The following KCNK2 variants were observed in gnomAD, a reference collection of about 807,000 sequenced individuals.
The protein encoded by KCNK2 is potassium two pore domain channel subfamily K member 2.
KCNK2 carries 21 observed loss-of-function variants against 40.5 expected under a neutral mutation model. The ratio of observed to expected loss-of-function variants is 0.52; its 90% confidence interval spans 0.37 to 0.75. KCNK2 has a LOEUF of 0.75. Ranked by LOEUF, KCNK2 falls within the 30% of genes least tolerant of loss-of-function variation. The probability of loss-of-function intolerance (pLI) is 0.00; values close to 1 mark genes in which losing one functional copy is unlikely to be tolerated. For missense variants in KCNK2, 399 were observed against 531.6 expected (o/e 0.75, Z 2.45); for synonymous variants, 191 against 202.2 (o/e 0.94, Z 0.47).
intron 6 of KCNK2, among the ~76,000 whole-genome samples, chr1:215,230,279 C>T (rs1291563726): frequency 1.3e-5 from 2 of 150,410 alleles, no homozygotes; most frequent in Non-Finnish European, 3.0e-5. Flanking sequence ...TAGCCTATTG[C>T]TCCTAGGCTA....
intron 1 of KCNK2, among the ~76,000 whole-genome samples, chr1:215,073,594 G>A (rs1319537306): frequency 6.6e-6 from 1 of 152,138 alleles, no homozygotes; most frequent in African/African-American, 2.4e-5. Context: ...AGAAGGAAGA[G>A]TAAGATACAT....
chr1:215,044,824 T>TGTGTGC, intron 1 of KCNK2, among the ~76,000 whole-genome samples: 1 of 52,496 alleles, frequency 1.9e-5, no homozygotes, highest in East Asian at 1.0e-3. Flanking sequence ...TGTGTGTGTG[T>TGTGTGC]GTGCGCGCGC....
intron 3 of KCNK2, among the ~76,000 whole-genome samples, chr1:215,150,054 G>A (rs1004554094): frequency 3.9e-5 from 6 of 152,142 alleles, no homozygotes; most frequent in African/African-American, 7.2e-5. Context: ...AGAACTGATC[G>A]TTATGATCTA....
chr1:215,048,204 A>G lies in KCNK2; in HGVS notation c.35-38164A>G, dbSNP rs577561043. On this transcript the variant is annotated intron_variant, in intron 1 of 6. Coordinates refer to the KCNK2 transcript ENST00000391895. ...CTCATCAACAGATACATCACTACTAATTACAGAAAAAGTTATACTTTTTTT... is the reference window on the plus strand; with the variant it reads ...CTCATCAACAGATACATCACTACTAGTTACAGAAAAAGTTATACTTTTTTT... Among the ~76,000 whole-genome samples, 3 of 152,286 alleles carry G rather than the reference A, an allele frequency of 2.0e-5. No homozygotes were observed. In the East Asian group the frequency reaches 5.8e-4, roughly 29 times the overall value.
At chr1:215,141,060 A>G (rs1294676884) in intron 3 of KCNK2, among the ~76,000 whole-genome samples, 1 of 152,032 alleles carries the variant, frequency 6.6e-6, no homozygotes, top group Non-Finnish European at 1.5e-5. Context: ...AGACCTACAC[A>G]GGGTTAGGAT....
chr1:215,155,208 T>C (rs1662862983), intron 3 of KCNK2, among the ~76,000 whole-genome samples: 1 of 152,140 alleles, frequency 6.6e-6, no homozygotes, highest in South Asian at 2.1e-4. Flanking sequence ...TTAAAATGAC[T>C]TAGAATATCA....
At chr1:215,084,628 G>T (rs564134931) in intron 1 of KCNK2, among the ~76,000 whole-genome samples, 1 of 152,222 alleles carries the variant, frequency 6.6e-6, no homozygotes, top group South Asian at 2.1e-4. Context: ...TTAAACACAT[G>T]CCCAGTGCTA....
chr1:215,036,413 C>G lies in KCNK2; in HGVS notation c.34+30458C>G, dbSNP rs1657387282. Among the ~76,000 whole-genome samples, 3 of 151,902 alleles carry G rather than the reference C, an allele frequency of 2.0e-5. No homozygotes were observed. In the South Asian group the frequency reaches 6.2e-4, roughly 31 times the overall value. On this transcript the variant is annotated intron_variant, in intron 1 of 6. Coordinates refer to the KCNK2 transcript ENST00000391895. ...TTGATCTATTTTTCTATCTTTACAT[C>G]AGCATGGCCCCATCTTAACATTCGC... is the stretch of plus-strand genomic sequence containing the variant.
At chr1:215,230,507 G>GTATATATA (rs201898524) in intron 6 of KCNK2, among the ~76,000 whole-genome samples, 837 of 65,360 alleles carry the variant, frequency 0.013, 9 homozygotes, top group Non-Finnish European at 0.019. Context: ...ACACACGGCT[G>GTATATATA]TATATATATA....
At chr1:215,185,349 T>A (rs1167064643) in intron 5 of KCNK2, among the ~76,000 whole-genome samples, 1 of 152,168 alleles carries the variant, frequency 6.6e-6, no homozygotes, top group Admixed American at 6.6e-5. Context: ...TACTGTAATC[T>A]TTACATTCCA....
At chr1:215,179,852 G>A (rs532700471) in intron 5 of KCNK2, among the ~76,000 whole-genome samples, 15 of 152,178 alleles carry the variant, frequency 9.9e-5, no homozygotes, top group Non-Finnish European at 1.8e-4. Context: ...GATGGATGGA[G>A]TATTCTGTAG....
chr1:215,164,314 T>A lies in KCNK2; in HGVS notation c.476-4885T>A, dbSNP rs551704264. ...GTCTATTTGATTCTTCTCTCTTTTC[T>A]TTTTTATTAGTCTAGCTAGTGGTCT... On this transcript the variant is annotated intron_variant, in intron 3 of 6. Transcript: ENST00000444842. 2.0e-5 allele frequency among the ~76,000 whole-genome samples: 3 copies of A among 152,322 alleles called. No homozygotes were observed. In the East Asian group the frequency reaches 5.8e-4, roughly 29 times the overall value.
chr1:215,124,876 A>G (rs1001737918), intron 3 of KCNK2, 126 bp downstream of exon 3: 1 of 657,622 alleles, frequency 1.5e-6, no homozygotes, highest in Non-Finnish European at 2.8e-6. Context: ...ATTATAGTAA[A>G]TTGATTTTGA....
At chr1:215,088,420 A>T (rs763938605) in intron 2 of KCNK2, among the ~76,000 whole-genome samples, 2 of 152,276 alleles carry the variant, frequency 1.3e-5, no homozygotes, top group Middle Eastern at 3.4e-3. Context: ...AGGTAAAGAG[A>T]TAATCCACAT....
chr1:215,222,843 A>C (rs1409097620), intron 6 of KCNK2, among the ~76,000 whole-genome samples: 1 of 152,138 alleles, frequency 6.6e-6, no homozygotes, highest in Non-Finnish European at 1.5e-5. Flanking sequence ...AAAATGAATT[A>C]ATGATAATTG....
intron 1 of KCNK2, among the ~76,000 whole-genome samples, chr1:215,016,218 A>G (rs902340596): frequency 1.3e-5 from 2 of 152,148 alleles, no homozygotes; most frequent in Non-Finnish European, 2.9e-5. Context: ...AGGTATGTCT[A>G]AAGAAACTAT....
At chr1:215,070,163 C>A (rs961986348) in intron 1 of KCNK2, among the ~76,000 whole-genome samples, 2 of 151,958 alleles carry the variant, frequency 1.3e-5, no homozygotes, top group Non-Finnish European at 2.9e-5. Context: ...GTAATCCCAG[C>A]ACTTTGGGAG....
In KCNK2 at chr1:215,130,547, A is replaced by G. The variant is rs147202794; in HGVS notation, c.475+5797A>G. On this transcript the variant is annotated intron_variant, in intron 3 of 6. Coordinates refer to ENST00000444842, the MANE Select transcript of KCNK2 (RefSeq NM_001017425.3). ...TGAGCAGCACAGCATGCCATTTGCT[A>G]CTGGTGTCTGACTTGGAAGCTGTCC... 3.9e-5 allele frequency among the ~76,000 whole-genome samples: 6 copies of G among 152,276 alleles called. No individual in the cohort carries two copies. The East Asian group carries it at 9.7e-4, about 25-fold the overall frequency.
intron 5 of KCNK2, 60 bp from the exon 6 acceptor site, chr1:215,194,893 C>A: frequency 6.5e-7 from 1 of 1,529,344 alleles, no homozygotes. Flanking sequence ...TTTAGCAATA[C>A]CTAGATTGTT....
Sources: allele counts gnomAD v4.1 joint callset (sites outside exome capture counted in the v4.1 genomes callset), GRCh38; gene constraint gnomAD v4.1.1; transcripts MANE v1.5; gene names NCBI Gene and HGNC (gene_info 2026-07-23, HGNC 2026-07-21).